Variants in ATXN2L observed in about 807,000 individuals in gnomAD.
The protein encoded by ATXN2L is ataxin-2-like protein.
ATXN2L carries 24 observed loss-of-function variants against 120.7 expected under a neutral mutation model. The observed-to-expected ratio is 0.20, with a 90% CI of 0.14 to 0.28. ATXN2L has a LOEUF of 0.28. Among genes scored for constraint, ATXN2L ranks in the 10% least tolerant of loss-of-function variants. ATXN2L has a pLI of 1.00. For synonymous variants in ATXN2L, 653 were observed against 568.1 expected (o/e 1.15, Z -2.13); for missense variants, 1,312 against 1,432.3 (o/e 0.92, Z 1.36).
chr16:28,830,090 G>A, intron 8 of ATXN2L, 32 bp downstream of exon 8: 2 of 1,585,086 alleles, frequency 1.3e-6, no homozygotes, highest in Non-Finnish European at 1.7e-6. Context: ...GACTACTTGG[G>A]GCTTCTGGGA....
chr16:28,823,834 C>T (rs111707908), intron 1 of ATXN2L: 1 of 366,726 alleles, frequency 2.7e-6, no homozygotes, highest in African/African-American at 2.1e-5. Flanking sequence ...CCCGCCGGCG[C>T]CGTCGGAACG....
intron 15 of ATXN2L, 52 bp downstream of exon 15, chr16:28,833,560 C>T: frequency 1.3e-6 from 2 of 1,569,698 alleles, no homozygotes; most frequent in Non-Finnish European, 1.8e-6. Context: ...GAGACTTGGG[C>T]AGTGCTTATA....
In ATXN2L at chr16:28,823,446, G is replaced by A; in HGVS notation, c.187G>A (p.Ala63Thr). Residue 63 changes from alanine to threonine, a missense_variant, in exon 1 of 22, where the codon GCC (alanine) becomes ACC (threonine). Physicochemically the swap from Ala to Thr is moderately conservative, Grantham distance 58. Transcript: ENST00000336783. ...CGCCTCCCCCTGCCTGGGGCCTGTG[G>A]CCGCTGCCGGGAGCGGGCTCCGCCG... is the stretch of plus-strand genomic sequence containing the variant. ...AAASPCLGPVAAAGSGLRRGA... is the reference protein window; with the variant it reads ...AAASPCLGPVTAAGSGLRRGA... 1 of 1,323,266 alleles carries A rather than the reference G, an allele frequency of 7.6e-7. No individual in the cohort carries two copies. The highest frequency in any genetic ancestry group is 9.6e-7 in the Non-Finnish European group (1 of 1,042,912). The allele number at this position is 1,323,266 out of a possible 1,614,324, so 82.0% of individuals were successfully genotyped here. A position where few individuals can be genotyped will look rare whatever the true frequency, so the allele number is the denominator to read the frequency against.
chr16:28,825,354 T>G lies in ATXN2L; in HGVS notation c.300-12T>G. 2 of 1,613,860 alleles carry G rather than the reference T, an allele frequency of 1.2e-6. No homozygotes were observed. The highest frequency in any genetic ancestry group is 1.7e-6 in the Non-Finnish European group (2 of 1,179,768). ...TGAACAGACTTAAGTAATTTCTTGT[T>G]TTCTTTTATAGGGGACAGAGCACAG... On this transcript the variant is annotated splice_polypyrimidine_tract_variant and intron_variant, in intron 1 of 21. Coordinates refer to ENST00000336783, the MANE Select transcript of ATXN2L (RefSeq NM_007245.4).
Position 28,835,777 on chromosome 16 carries a change from C to T in ATXN2L, c.2895+19C>T. On this transcript the variant is annotated intron_variant, in intron 21 of 21. Coordinates refer to ENST00000336783, the MANE Select transcript of ATXN2L (RefSeq NM_007245.4). ...TACCCAGGTAAGAGCCCAGCTGTCC[C>T]ACTTCTGGGTCTGTTTGCCAGGGCC... 1 of 1,613,780 alleles carries T rather than the reference C, an allele frequency of 6.2e-7. No individual in the cohort carries two copies. Among genetic ancestry groups the T allele is most frequent in the Admixed American group, 1.7e-5 (1 of 60,024 alleles).
chr16:28,836,986 CT>C lies in ATXN2L; in HGVS notation c.*722del, dbSNP rs1000671872. 1.5e-6 allele frequency: 1 copy of C among 666,312 alleles called. No individual in the cohort carries two copies. The highest frequency in any genetic ancestry group is 2.7e-6 in the Non-Finnish European group (1 of 368,524). The allele number at this position is 666,312 out of a possible 1,614,324, so 41.3% of individuals were successfully genotyped here. On this transcript the variant is annotated 3_prime_UTR_variant, in exon 22 of 22. Transcript: ENST00000336783. ...GGGGTGGGGGGTTCCTGCTCTGCCC[CT>C]GCCCGTCCCCACCCAGTCTTGCCCT...
At chr16:28,827,822 A>G (rs2052733647) in intron 6 of ATXN2L, among the ~76,000 whole-genome samples, 1 of 152,244 alleles carries the variant, frequency 6.6e-6, no homozygotes, top group African/African-American at 2.4e-5. Flanking sequence ...AGGCTGAGGT[A>G]GGAGAATCAT....
chr16:28,825,252 T>C (rs2051423366), intron 1 of ATXN2L, 114 bp from the exon 2 acceptor site: 2 of 998,694 alleles, frequency 2.0e-6, no homozygotes, highest in South Asian at 1.4e-5. Flanking sequence ...TTAACAATTT[T>C]GTAGTCTAAA....
chr16:28,829,348 A>T, intron 6 of ATXN2L, 53 bp from the exon 7 acceptor site: 1 of 1,245,144 alleles, frequency 8.0e-7, no homozygotes, highest in East Asian at 2.3e-5. Context: ...AAGGGAAGTG[A>T]CTTGTCGTTG....
rs1224273671 is a variant in ATXN2L at position 28,836,998 on chromosome 16, A to G, written c.*733A>G. The G allele has an allele frequency of 4.5e-6, 3 of 663,176 alleles. No homozygotes were observed. The South Asian group carries it at 4.8e-5, about 11-fold the overall frequency. The allele number at this position is 663,176 out of a possible 1,614,324, so 41.1% of individuals were successfully genotyped here. A position where few individuals can be genotyped will look rare whatever the true frequency, so the allele number is the denominator to read the frequency against. On this transcript the variant is annotated 3_prime_UTR_variant, in exon 22 of 22. Coordinates refer to ENST00000336783, the MANE Select transcript of ATXN2L (RefSeq NM_007245.4). ...TCCTGCTCTGCCCCTGCCCGTCCCC[A>G]CCCAGTCTTGCCCTCCCATCCTCTC...
At chr16:28,835,794 G>T in intron 21 of ATXN2L, 36 bp downstream of exon 21, 3 of 1,612,300 alleles carry the variant, frequency 1.9e-6, no homozygotes, top group Non-Finnish European at 2.5e-6. Flanking sequence ...GGGTCTGTTT[G>T]CCAGGGCCCG....
intron 1 of ATXN2L, chr16:28,824,644 G>A (rs1480570083): frequency 3.5e-6 from 4 of 1,155,134 alleles, no homozygotes; most frequent in Non-Finnish European, 4.5e-6. Flanking sequence ...GAAAATGATT[G>A]TCTTTTCTGT....
chr16:28,826,575 G>C (rs1030596424), intron 5 of ATXN2L, 185 bp downstream of exon 5: 6 of 670,176 alleles, frequency 9.0e-6, no homozygotes, highest in Non-Finnish European at 7.3e-6. Context: ...AATATGTCTT[G>C]ATGTCTAATA....
At position 28,826,990 on chromosome 16, in the gene ATXN2L, T is replaced by C. The variant is rs886112650; in HGVS notation, c.741+4T>C. The C allele has an allele frequency of 2.4e-5, 36 of 1,491,336 alleles. No homozygotes were observed. Among genetic ancestry groups the C allele is most frequent in the Non-Finnish European group, 3.2e-5 (36 of 1,108,672 alleles). The allele number at this position is 1,491,336 out of a possible 1,614,324, so 92.4% of individuals were successfully genotyped here. A position where few individuals can be genotyped will look rare whatever the true frequency, so the allele number is the denominator to read the frequency against. ...CTATGACCTCGAGTCTGACATGGTATAGCCTCCTTCCCTGAGAACTTGGGA... is the reference window on the plus strand; with the variant it reads ...CTATGACCTCGAGTCTGACATGGTACAGCCTCCTTCCCTGAGAACTTGGGA... On this transcript the variant is annotated splice_donor_region_variant and intron_variant, in intron 6 of 21. Coordinates refer to ENST00000336783, the MANE Select transcript of ATXN2L (RefSeq NM_007245.4).
Position 28,836,347 on chromosome 16 carries a change from A to G in ATXN2L, c.*82A>G. 1 of 1,613,232 alleles carries G rather than the reference A, an allele frequency of 6.2e-7. No homozygotes were observed. On this transcript the variant is annotated 3_prime_UTR_variant, in exon 22 of 22. Transcript: ENST00000336783. ...GAAGTATGTAGGGTGGGCAGAAGCC[A>G]CAGTCGCCGCCGCCAGGGGCTTGCT...
Position 28,823,323 on chromosome 16 carries a change from G to A in ATXN2L, c.64G>A (p.Ala22Thr), listed in dbSNP as rs752045004. ...QPQQPPPTQQ[A>T]VARRPPGGTS... is the part of the protein sequence containing the mutation. ...CCAGCAGCCGCCCCCCACGCAACAG[G>A]CCGTGGCCCGTCGGCCCCCCGGGGG... The change falls in exon 1 of 22, where the codon GCC becomes ACC. Residue 22 changes from alanine to threonine, a missense_variant. Coordinates refer to ENST00000336783, the MANE Select transcript of ATXN2L (RefSeq NM_007245.4). The A allele has an allele frequency of 4.9e-6, 7 of 1,421,070 alleles. No homozygotes were observed. The Admixed American group carries it at 1.1e-4, about 22-fold the overall frequency. The allele number at this position is 1,421,070 out of a possible 1,614,324, so 88.0% of individuals were successfully genotyped here.
chr16:28,825,956 A>T (rs1002483082), intron 4 of ATXN2L, 115 bp downstream of exon 4: 1 of 1,082,384 alleles, frequency 9.2e-7, no homozygotes, highest in Non-Finnish European at 1.4e-6. Flanking sequence ...TTGTTTCTGT[A>T]GGCCTGTGCT....
At chr16:28,827,026 C>A in intron 6 of ATXN2L, 40 bp downstream of exon 6, 2 of 1,395,810 alleles carry the variant, frequency 1.4e-6, no homozygotes, top group African/African-American at 1.5e-5. Context: ...GCTGGACAGA[C>A]AGAATGGGTT....
At position 28,833,269 on chromosome 16, in the gene ATXN2L, C is replaced by T. The variant is rs759186600; in HGVS notation, c.1870C>T (p.Pro624Ser). The change falls in exon 14 of 22, where the codon CCC becomes TCC. Residue 624 changes from proline (P) to serine (S), a missense_variant. Transcript: ENST00000336783. ...AGGAGGCACTGAGGGGCCAGAGCAGCCCCCACCACCTTGTCCAAGCCAAAC... is the reference window on the plus strand; with the variant it reads ...AGGAGGCACTGAGGGGCCAGAGCAGTCCCCACCACCTTGTCCAAGCCAAAC... Reference protein sequence around the residue: ...PSGGTEGPEQPPPPCPSQTGS... With the variant: ...PSGGTEGPEQSPPPCPSQTGS... 1.2e-6 allele frequency: 2 copies of T among 1,614,204 alleles called. No individual in the cohort carries two copies. The highest frequency in any genetic ancestry group is 1.7e-6 in the Non-Finnish European group (2 of 1,180,036).
Sources: allele counts gnomAD v4.1 joint callset (sites outside exome capture counted in the v4.1 genomes callset), GRCh38; gene constraint gnomAD v4.1.1; transcripts MANE v1.5; gene names NCBI Gene and HGNC (gene_info 2026-07-23, HGNC 2026-07-21).